Variants in INPP4B observed in about 807,000 individuals in gnomAD.
The protein encoded by INPP4B is inositol polyphosphate 4-phosphatase type II.
In INPP4B, 55 loss-of-function variants were observed where a neutral mutation model predicts 122.5. The observed-to-expected ratio is 0.45, with a 90% CI of 0.36 to 0.56. INPP4B has a LOEUF of 0.56. INPP4B is among the 20% of genes least tolerant of loss of function. INPP4B has a pLI of 0.00. For synonymous variants in INPP4B, 403 were observed against 388.7 expected (o/e 1.04, Z -0.43); for missense variants, 1,000 against 1,097.7 (o/e 0.91, Z 1.26).
chr4:142,756,691 G>A (rs1189381042), intron 1 of INPP4B, among the ~76,000 whole-genome samples: 1 of 152,004 alleles, frequency 6.6e-6, no homozygotes, highest in Non-Finnish European at 1.5e-5. Flanking sequence ...TAAGAAAAGA[G>A]TATGATAAAT....
intron 1 of INPP4B, among the ~76,000 whole-genome samples, chr4:142,822,298 G>A (rs1404785652): frequency 6.6e-6 from 1 of 152,154 alleles, no homozygotes; most frequent in Admixed American, 6.5e-5. Context: ...GAGCTAAGAT[G>A]ATCACTCCCA....
intron 1 of INPP4B, among the ~76,000 whole-genome samples, chr4:142,750,505 G>A (rs151037244): frequency 2.6e-5 from 4 of 152,116 alleles, no homozygotes; most frequent in South Asian, 4.2e-4. Flanking sequence ...TAAACTTAGC[G>A]TTTATGGCCA....
chr4:142,813,014 T>C (rs1315716947), intron 1 of INPP4B, among the ~76,000 whole-genome samples: 1 of 152,186 alleles, frequency 6.6e-6, no homozygotes, highest in Non-Finnish European at 1.5e-5. Context: ...ATCCCCTGCC[T>C]CAGCTTCTCA....
At chr4:142,414,159 G>A (rs1805183771) in intron 5 of INPP4B, among the ~76,000 whole-genome samples, 1 of 151,998 alleles carries the variant, frequency 6.6e-6, no homozygotes, top group African/African-American at 2.4e-5. Context: ...TAAAATATTA[G>A]CTTCAGATTG....
intron 10 of INPP4B, 27 bp from the exon 11 acceptor site, chr4:142,260,591 A>G: frequency 7.0e-7 from 1 of 1,434,244 alleles, no homozygotes; most frequent in Non-Finnish European, 9.6e-7. Context: ...AAAAAAAAAA[A>G]AAATTTTGAG....
At chr4:142,740,003 A>C (rs904633357) in intron 1 of INPP4B, among the ~76,000 whole-genome samples, 1 of 152,086 alleles carries the variant, frequency 6.6e-6, no homozygotes, top group Non-Finnish European at 1.5e-5. Context: ...TAGGTAGTTT[A>C]TGTGCATAAC....
At chr4:142,174,497 G>A (rs1452292803) in intron 15 of INPP4B, among the ~76,000 whole-genome samples, 1 of 151,990 alleles carries the variant, frequency 6.6e-6, no homozygotes, top group Admixed American at 6.6e-5. Flanking sequence ...CAAATTTATT[G>A]GACAGAAAAA....
intron 2 of INPP4B, among the ~76,000 whole-genome samples, chr4:142,481,404 A>G (rs1043513758): frequency 3.9e-5 from 6 of 152,068 alleles, no homozygotes; most frequent in African/African-American, 1.4e-4. Flanking sequence ...CAACCACTAA[A>G]AGCACCTAAC....
rs1553962762 is a variant in INPP4B at position 142,579,871 on chromosome 4, A to ATAGG, written c.-190-117149_-190-117146dup. ...ATTGGATGAATGGATAGATAGATAGATAGGTAGGTAGATAGATAGATAGAT... is the reference window on the plus strand; with the variant it reads ...ATTGGATGAATGGATAGATAGATAGATAGGTAGGTAGGTAGATAGATAGATAGAT... On this transcript the variant is annotated intron_variant, in intron 2 of 25. Transcript: ENST00000262992. 2.0e-4 allele frequency among the ~76,000 whole-genome samples: 19 copies of ATAGG among 94,358 alleles called. No individual in the cohort carries two copies. In the South Asian group the frequency reaches 2.1e-3, roughly 10 times the overall value. 61.9% of individuals were successfully genotyped at this position (94,358 alleles called of 152,430 possible).
chr4:142,096,518 G>A (rs1561102842), intron 23 of INPP4B, among the ~76,000 whole-genome samples: 1 of 152,034 alleles, frequency 6.6e-6, no homozygotes, highest in African/African-American at 2.4e-5. Flanking sequence ...AAATTTAAGG[G>A]ACATTAAAAG....
chr4:142,736,942 A>G (rs1767010166), intron 1 of INPP4B, among the ~76,000 whole-genome samples: 1 of 151,976 alleles, frequency 6.6e-6, no homozygotes, highest in African/African-American at 2.4e-5. Flanking sequence ...GGTTTGTCAT[A>G]GATAGCTCGA....
chr4:142,338,096 C>T (rs1359585718), intron 7 of INPP4B, among the ~76,000 whole-genome samples: 1 of 152,078 alleles, frequency 6.6e-6, no homozygotes, highest in Non-Finnish European at 1.5e-5. Flanking sequence ...GCTTTTAATA[C>T]TCTTGGTATG....
At chr4:142,165,788 AT>A (rs1165661924) in intron 16 of INPP4B, among the ~76,000 whole-genome samples, 3 of 151,782 alleles carry the variant, frequency 2.0e-5, no homozygotes, top group Non-Finnish European at 4.4e-5. Context: ...GCTATGAAAC[AT>A]TGCTGAAACA....
chr4:142,778,052 G>T (rs919149900), intron 1 of INPP4B, among the ~76,000 whole-genome samples: 2 of 152,112 alleles, frequency 1.3e-5, no homozygotes, highest in Admixed American at 6.6e-5. Flanking sequence ...AAATCATGAG[G>T]CCAGATTTTA....
chr4:142,587,808 T>G (rs114684658), intron 2 of INPP4B, among the ~76,000 whole-genome samples: 2,142 of 152,088 alleles, frequency 0.014, 41 homozygotes, highest in African/African-American at 0.041. Context: ...GAAAGTAGAA[T>G]CAGAAAGAAC....
chr4:142,431,802 T>A (rs1021277083), intron 3 of INPP4B, among the ~76,000 whole-genome samples: 3 of 152,094 alleles, frequency 2.0e-5, no homozygotes, highest in African/African-American at 7.2e-5. Context: ...CATCTCTCCA[T>A]CCACCCTTGT....
At chr4:142,453,971 T>G (rs895140881) in intron 3 of INPP4B, among the ~76,000 whole-genome samples, 1 of 152,122 alleles carries the variant, frequency 6.6e-6, no homozygotes, top group Non-Finnish European at 1.5e-5. Flanking sequence ...AAATGCCTTG[T>G]GAAACACGGG....
At chr4:142,042,885 C>T (rs1749001585) in intron 25 of INPP4B, among the ~76,000 whole-genome samples, 1 of 152,014 alleles carries the variant, frequency 6.6e-6, no homozygotes, top group Admixed American at 6.6e-5. Context: ...TGAATGCTAC[C>T]AACTTTTCCC....
intron 8 of INPP4B, among the ~76,000 whole-genome samples, chr4:142,313,810 C>G (rs1766444635): frequency 6.6e-6 from 1 of 152,208 alleles, no homozygotes; most frequent in Non-Finnish European, 1.5e-5. Context: ...TCGCCCTTTT[C>G]CCTCTGCTTT....
Sources: gnomAD v4.1 joint callset for allele counts (sites outside exome capture counted in the v4.1 genomes callset) on GRCh38, gnomAD v4.1.1 for gene constraint, MANE v1.5 for transcripts, NCBI Gene and HGNC (gene_info 2026-07-23, HGNC 2026-07-21) for gene names.